Variants in KIF11 observed in about 807,000 individuals in gnomAD.
KIF11 encodes the protein kinesin-like protein KIF11.
A neutral mutation model predicts 121.0 loss-of-function variants in KIF11; 9 were observed. The observed-to-expected ratio is 0.07, with a 90% CI of 0.04 to 0.13. The LOEUF is 0.13. KIF11 is among the 10% of genes least tolerant of loss of function. The pLI is 1.00. For missense variants in KIF11, 846 were observed against 1,217.5 expected, an observed-to-expected ratio of 0.69 and a Z score of 4.54; for synonymous variants, 408 against 421.0, an observed-to-expected ratio of 0.97 and a Z score of 0.38.
chr10:92,599,318 A>G (rs1268899637), intron 1 of KIF11, among the ~76,000 whole-genome samples: 2 of 151,656 alleles, frequency 1.3e-5, no homozygotes, highest in Non-Finnish European at 2.9e-5. Context: ...CGAGATCAGG[A>G]GTTCAAGGCC....
chr10:92,613,286 C>G lies in KIF11; in HGVS notation c.790-91C>G. ...ATTACAGAAAAAATTATTTTGCTGG[C>G]GATTTAATACATTATGTATCCTGTG... is the stretch of plus-strand genomic sequence containing the variant. On this transcript the variant is annotated intron_variant, in intron 7 of 21. Transcript: ENST00000260731. This position sits in a 1 kb window ranked among gnomAD's most constrained non-coding sequence, Gnocchi z 4.2. 1 of 1,086,632 alleles carries G rather than the reference C, an allele frequency of 9.2e-7. No homozygotes were observed. Among genetic ancestry groups the G allele is most frequent in the Non-Finnish European group, 1.3e-6 (1 of 764,898 alleles). 67.3% of individuals were successfully genotyped at this position (1,086,632 alleles called of 1,614,324 possible).
chr10:92,644,527 C>T (rs1334476692), intron 17 of KIF11, among the ~76,000 whole-genome samples: 1 of 152,162 alleles, frequency 6.6e-6, no homozygotes, highest in Admixed American at 6.5e-5. Flanking sequence ...CCATATTGGC[C>T]GGACTGGTCT....
In KIF11 at chr10:92,630,311, A is replaced by G. The variant is rs1844723358; in HGVS notation, c.1441A>G (p.Ile481Val). The change falls in exon 12 of 22, where the codon ATC (isoleucine) becomes GTC (valine). Residue 481 changes from isoleucine (I) to valine (V), a missense_variant. Around this residue, in one of 5 missense-constraint regions of KIF11, gnomAD observed 95 missense variants for 109.3 expected, o/e 0.87. Transcript: ENST00000260731. ...ATTACAACTTGTTAAAGAAGAATAT[A>G]TCACATCAGCTTTGGAAAGTACTGA... ...TKLQLVKEEY[I>V]TSALESTEEK... 6.2e-7 allele frequency: 1 copy of G among 1,607,206 alleles called. No homozygotes were observed. The highest frequency in any genetic ancestry group is 8.5e-7 in the Non-Finnish European group (1 of 1,177,844).
chr10:92,651,012 A>G (rs1051942838), intron 21 of KIF11, among the ~76,000 whole-genome samples: 7 of 151,926 alleles, frequency 4.6e-5, no homozygotes, highest in Non-Finnish European at 8.8e-5. Flanking sequence ...ATCCAGTGTA[A>G]TTAAATCCTG....
chr10:92,612,142 A>ATT (rs113912289), intron 6 of KIF11, among the ~76,000 whole-genome samples: 19 of 146,204 alleles, frequency 1.3e-4, no homozygotes, highest in Admixed American at 2.1e-4. Context: ...TTTTTTTGTG[A>ATT]TTTTTTTTTT....
At position 92,650,646 on chromosome 10, in the gene KIF11, C is replaced by T. The variant is rs567164919; in HGVS notation, c.3039+129C>T. The T allele has an allele frequency of 6.5e-4, 401 of 616,752 alleles. 1 individual carries two copies. The highest frequency in any genetic ancestry group is 1.0e-3 in the Non-Finnish European group (361 of 344,918). 38.2% of individuals were successfully genotyped at this position (616,752 alleles called of 1,614,324 possible). On this transcript the variant is annotated intron_variant, in intron 21 of 21. Coordinates refer to ENST00000260731, the MANE Select transcript of KIF11 (RefSeq NM_004523.4). ...ATTATTCCTTAGGATGGCTTGTTAA[C>T]GCTTATGATTTGAATTATTTACAAA...
Position 92,653,667 on chromosome 10 carries a change from T to C in KIF11, c.3042T>C (p.His1014=), listed in dbSNP as rs1450303809. ...SSIGGVPFFQ[H]KKSHGKDKEN... ...ATTTTCCCGCCTTAAATCCACAGCA[T>C]AAAAAATCACATGGAAAAGACAAAG... The change falls in exon 22 of 22, where the codon CAT becomes CAC. Residue 1014 remains histidine (H), a splice_region_variant and synonymous_variant. Coordinates refer to ENST00000260731, the MANE Select transcript of KIF11 (RefSeq NM_004523.4). 34 of 1,610,504 alleles carry C rather than the reference T, an allele frequency of 2.1e-5. No homozygotes were observed. In the East Asian group the frequency reaches 7.4e-4, roughly 35 times the overall value.
intron 1 of KIF11, among the ~76,000 whole-genome samples, chr10:92,599,495 A>T (rs1320739002): frequency 6.7e-6 from 1 of 148,534 alleles, no homozygotes; most frequent in East Asian, 2.1e-4. Context: ...ACTGTACTCC[A>T]GCCTGGGCAA....
intron 16 of KIF11, among the ~76,000 whole-genome samples, chr10:92,639,460 C>A (rs1589604965): frequency 6.6e-6 from 1 of 151,914 alleles, no homozygotes; most frequent in African/African-American, 2.4e-5. Context: ...GGCATGGTGG[C>A]TCATGCCTGT....
At chr10:92,633,925 C>T (rs1268234706) in intron 14 of KIF11, 130 bp downstream of exon 14, 1 of 611,540 alleles carries the variant, frequency 1.6e-6, no homozygotes, top group Non-Finnish European at 2.8e-6. Context: ...CTGAGCTTTA[C>T]TAGACACAGT....
At chr10:92,614,133 G>C (rs1589594255) in intron 8 of KIF11, among the ~76,000 whole-genome samples, 1 of 131,180 alleles carries the variant, frequency 7.6e-6, no homozygotes, top group African/African-American at 3.1e-5. Context: ...TCCCACTCTT[G>C]TCCCCCAGAC....
chr10:92,606,546 A>G lies in KIF11; in HGVS notation c.211-73A>G, dbSNP rs1589590357. 3.3e-6 allele frequency: 4 copies of G among 1,197,640 alleles called. No individual in the cohort carries two copies. The East Asian group carries it at 9.6e-5, about 29-fold the overall frequency. The allele number at this position is 1,197,640 out of a possible 1,614,324, so 74.2% of individuals were successfully genotyped here. A position where few individuals can be genotyped will look rare whatever the true frequency, so the allele number is the denominator to read the frequency against. On this transcript the variant is annotated intron_variant, in intron 2 of 21. Coordinates refer to ENST00000260731, the MANE Select transcript of KIF11 (RefSeq NM_004523.4). ...AGTGGGCTGAATTATGAATTAGTTA[A>G]CATACGAAAAACAAAATTATTAAAA...
rs750683542 is a variant in KIF11, at chr10:92,637,455, A to G, written c.2070A>G (p.Gln690=). 59 of 1,605,568 alleles carry G rather than the reference A, an allele frequency of 3.7e-5. No individual in the cohort carries two copies. The East Asian group carries it at 1.3e-3, about 35-fold the overall frequency. Residue 690 remains glutamine, a synonymous_variant, in exon 16 of 22, where the codon CAA becomes CAG. Transcript: ENST00000260731. ...SILCNNLHEL[Q]ENTICSLVES... The stretch of plus-strand genomic sequence containing the variant: ...TGTGTAACAATCTACATGAACTACA[A>G]GAAAATACCATTTGTTCCTTGGTTG...
At chr10:92,610,590 G>A (rs1844485240) in intron 6 of KIF11, among the ~76,000 whole-genome samples, 1 of 152,062 alleles carries the variant, frequency 6.6e-6, no homozygotes, top group African/African-American at 2.4e-5. Flanking sequence ...AAAAAGCAAT[G>A]GATTGCAATT....
At chr10:92,636,925 C>G (rs113179374) in intron 14 of KIF11, among the ~76,000 whole-genome samples, 5 of 147,802 alleles carry the variant, frequency 3.4e-5, no homozygotes, top group Non-Finnish European at 6.0e-5. Context: ...CCCAGCTACT[C>G]CGGAGGCTGA....
chr10:92,609,291 AGAGAGAGAGAGAGTGTGT>A lies in KIF11; in HGVS notation c.573+88_574-75del, dbSNP rs780056254. ...CAGAGAGAGAGAGAGAGAGAGAGAG[AGAGAGAGAGAGAGTGTGT>A]GTGTGTGTGTGTGTGTGTGTGTGTG... On this transcript the variant is annotated intron_variant, in intron 5 of 21. Transcript: ENST00000260731. 1,000 of 1,302,202 alleles carry A rather than the reference AGAGAGAGAGAGAGTGTGT, an allele frequency of 7.7e-4. 8 individuals are homozygous for A. In the African/African-American group the frequency reaches 0.015, roughly 20 times the overall value. The allele number at this position is 1,302,202 out of a possible 1,614,324, so 80.7% of individuals were successfully genotyped here.
At chr10:92,630,112 A>G in intron 11 of KIF11, 64 bp from the exon 12 acceptor site, 2 of 828,568 alleles carry the variant, frequency 2.4e-6, no homozygotes, top group Non-Finnish European at 3.6e-6. Flanking sequence ...TCATTTTTCT[A>G]ATCTTATGAA....
intron 1 of KIF11, among the ~76,000 whole-genome samples, chr10:92,593,836 C>G (rs991557686): frequency 2.6e-5 from 4 of 152,156 alleles, no homozygotes; most frequent in Non-Finnish European, 5.9e-5. Context: ...TCACTGTTCT[C>G]TTTATTCTAG....
chr10:92,630,008 A>T (rs1260587485), intron 11 of KIF11, among the ~76,000 whole-genome samples, 168 bp from the exon 12 acceptor site: 1 of 152,212 alleles, frequency 6.6e-6, no homozygotes, highest in African/African-American at 2.4e-5. Context: ...TTAATCTCAA[A>T]GTGTTGAGTA....
Sources: allele counts gnomAD v4.1 joint callset (sites outside exome capture counted in the v4.1 genomes callset), GRCh38; gene constraint gnomAD v4.1.1; regional missense constraint gnomAD v4.1.1; non-coding constraint Gnocchi (gnomAD v3.1); transcripts MANE v1.5; gene names NCBI Gene and HGNC (gene_info 2026-07-23, HGNC 2026-07-21).